Variants in GRIK2 observed in about 807,000 individuals in gnomAD.
The protein encoded by GRIK2 is glutamate ionotropic receptor kainate type subunit 2.
A neutral mutation model predicts 100.3 loss-of-function variants in GRIK2; 32 were observed. That is an observed-to-expected ratio of 0.32 (90% CI 0.24 to 0.43). GRIK2 has a LOEUF of 0.43. Among genes scored for constraint, GRIK2 ranks in the 20% least tolerant of loss-of-function variants. The pLI, the probability that GRIK2 is intolerant of heterozygous loss-of-function variation, is 1.00. For missense variants in GRIK2, 843 were observed against 1,114.9 expected (o/e 0.76, Z 3.47); for synonymous variants, 417 against 389.4 (o/e 1.07, Z -0.83).
rs775270173 is a variant in GRIK2, at chr6:101,882,411, A to G, written c.1525-7229A>G. ...AAAACTCTAGAAACATTTTAGACCC[A>G]TAGTTATTCTGAAGACATCAGTTAA... On this transcript the variant is annotated intron_variant, in intron 11 of 16. Coordinates refer to ENST00000369134, the MANE Select transcript of GRIK2 (RefSeq NM_021956.5). Among the ~76,000 whole-genome samples, 24 of 152,272 alleles carry G rather than the reference A, an allele frequency of 1.6e-4. No homozygotes were observed. The South Asian group carries it at 2.7e-3, about 17-fold the overall frequency.
At chr6:101,963,627 C>T (rs1291285025) in intron 14 of GRIK2, among the ~76,000 whole-genome samples, 2 of 149,932 alleles carry the variant, frequency 1.3e-5, no homozygotes, top group South Asian at 4.2e-4. Flanking sequence ...GCTGGGATTA[C>T]AGGCGTGAGC....
intron 14 of GRIK2, among the ~76,000 whole-genome samples, chr6:102,027,698 AAT>A (rs1769775512): frequency 6.6e-6 from 1 of 151,124 alleles, no homozygotes; most frequent in Admixed American, 6.6e-5. Context: ...AAATATTGAT[AAT>A]GTTATTTTCT....
intron 16 of GRIK2, among the ~76,000 whole-genome samples, chr6:102,065,129 T>C (rs1009168556): frequency 5.3e-5 from 8 of 151,262 alleles, no homozygotes; most frequent in African/African-American, 1.7e-4. Context: ...TTATGAAAGA[T>C]TGCTTGATTA....
intron 5 of GRIK2, among the ~76,000 whole-genome samples, chr6:101,677,701 C>A (rs540737098): frequency 6.6e-6 from 1 of 152,180 alleles, no homozygotes; most frequent in South Asian, 2.1e-4. Flanking sequence ...ACCTTTGTAG[C>A]TTGGAACTAG....
At chr6:101,530,149 A>C (rs115933792) in intron 2 of GRIK2, among the ~76,000 whole-genome samples, 2 of 152,038 alleles carry the variant, frequency 1.3e-5, no homozygotes, top group Admixed American at 1.3e-4. Context: ...AACATTTTTT[A>C]AACCTGGATA....
intron 14 of GRIK2, among the ~76,000 whole-genome samples, chr6:102,024,925 GAT>G (rs532747839): frequency 7.6e-4 from 112 of 146,960 alleles, no homozygotes; most frequent in Admixed American, 5.0e-3. Flanking sequence ...CATGTGCCAT[GAT>G]ATATATATAT....
At position 101,541,930 on chromosome 6, in the gene GRIK2, A is replaced by G. The variant is rs1303781118; in HGVS notation, c.116-80019A>G. Among the ~76,000 whole-genome samples, 4 of 151,690 alleles carry G rather than the reference A, an allele frequency of 2.6e-5. No homozygotes were observed. The East Asian group carries it at 7.7e-4, about 29-fold the overall frequency. ...TTTCCTGCTTTCCTTAATATGTACT[A>G]TTTCGTTACAGATCATAAAGACAAT... On this transcript the variant is annotated intron_variant, in intron 2 of 16. Coordinates refer to ENST00000369134, the MANE Select transcript of GRIK2 (RefSeq NM_021956.5).
intron 2 of GRIK2, among the ~76,000 whole-genome samples, chr6:101,594,733 A>G (rs1340265639): frequency 6.6e-6 from 1 of 151,834 alleles, no homozygotes; most frequent in Non-Finnish European, 1.5e-5. Flanking sequence ...GAAGGCATTT[A>G]TAGTGTAAGT....
chr6:101,635,166 C>T (rs566054970), intron 4 of GRIK2, among the ~76,000 whole-genome samples: 1 of 152,150 alleles, frequency 6.6e-6, no homozygotes, highest in East Asian at 1.9e-4. Flanking sequence ...TAAATACAAG[C>T]TTCAAGTGCT....
intron 2 of GRIK2, among the ~76,000 whole-genome samples, chr6:101,581,613 CA>C (rs1778101930): frequency 6.6e-6 from 1 of 152,030 alleles, no homozygotes; most frequent in Non-Finnish European, 1.5e-5. Context: ...ATTTACTGAG[CA>C]TTAACTATAC....
chr6:102,033,453 C>T (rs902388050), intron 14 of GRIK2, among the ~76,000 whole-genome samples: 6 of 151,222 alleles, frequency 4.0e-5, no homozygotes, highest in South Asian at 2.1e-4. Context: ...TCATGCTATT[C>T]GGAGATAGGC....
At chr6:101,394,024 T>C (rs79554379) in intron 1 of GRIK2, among the ~76,000 whole-genome samples, 187 bp downstream of exon 1, 329 of 152,290 alleles carry the variant, frequency 2.2e-3, no homozygotes, top group Middle Eastern at 0.02. Flanking sequence ...CTGCGAGTCT[T>C]TGTCGGGCTT....
intron 4 of GRIK2, among the ~76,000 whole-genome samples, chr6:101,639,794 C>T (rs182380002): frequency 6.3e-4 from 96 of 152,262 alleles, no homozygotes; most frequent in Admixed American, 5.8e-3. Flanking sequence ...TCTAGACAGG[C>T]TAATTGTCCA....
rs34763570 is a variant in GRIK2 at position 101,549,275 on chromosome 6, GA to G, written c.116-72660del. Among the ~76,000 whole-genome samples the G allele has an allele frequency of 1.5e-3, 206 of 136,354 alleles. 3 individuals are homozygous for G. In the East Asian group the frequency reaches 0.031, roughly 21 times the overall value. The allele number at this position is 136,354 out of a possible 152,430, so 89.5% of individuals were successfully genotyped here. ...AAAGGAGGGTTAGTAGTGATGAACTGAAAAAAAAAAAAAAGATTGTATGTAG... is the reference window on the plus strand; with the variant it reads ...AAAGGAGGGTTAGTAGTGATGAACTGAAAAAAAAAAAAAGATTGTATGTAG... On this transcript the variant is annotated intron_variant, in intron 2 of 16. Coordinates refer to ENST00000369134, the MANE Select transcript of GRIK2 (RefSeq NM_021956.5).
intron 2 of GRIK2, among the ~76,000 whole-genome samples, chr6:101,419,067 T>C (rs1360561919): frequency 6.6e-6 from 1 of 152,064 alleles, no homozygotes. Flanking sequence ...CCTTCACTAA[T>C]CTTCCTCTTA....
In GRIK2 at chr6:101,771,023, TATA is replaced by T. The variant is rs561336160; in HGVS notation, c.952-28622_952-28620del. ...TTATATTGTCTAGTACTTTAATATG[TATA>T]ATTATTTATGGTTTGATTTTATACA... On this transcript the variant is annotated intron_variant, in intron 7 of 16. Transcript: ENST00000369134. 3.6e-4 allele frequency among the ~76,000 whole-genome samples: 55 copies of T among 152,296 alleles called. 3 individuals carry two copies. The South Asian group carries it at 0.011, about 30-fold the overall frequency.
At chr6:101,762,820 A>G (rs1259946036) in intron 7 of GRIK2, among the ~76,000 whole-genome samples, 1 of 152,232 alleles carries the variant, frequency 6.6e-6, no homozygotes, top group Non-Finnish European at 1.5e-5. Flanking sequence ...TCAGATACCC[A>G]TGAGGTTAAT....
At chr6:101,729,237 T>G (rs1012649687) in intron 7 of GRIK2, among the ~76,000 whole-genome samples, 1 of 152,004 alleles carries the variant, frequency 6.6e-6, no homozygotes, top group Non-Finnish European at 1.5e-5. Context: ...GTAACATGGA[T>G]CAGCATCCAT....
chr6:101,476,543 TC>T (rs1772241716), intron 2 of GRIK2, among the ~76,000 whole-genome samples: 1 of 152,148 alleles, frequency 6.6e-6, no homozygotes, highest in South Asian at 2.1e-4. Flanking sequence ...TAGGTTTTTT[TC>T]CCATTTATAA....
Sources: allele counts gnomAD v4.1 joint callset (sites outside exome capture counted in the v4.1 genomes callset), GRCh38; gene constraint gnomAD v4.1.1; transcripts MANE v1.5; gene names NCBI Gene and HGNC (gene_info 2026-07-23, HGNC 2026-07-21).